Variants in LSAMP observed in about 807,000 individuals in gnomAD.
The protein encoded by LSAMP is limbic system associated membrane protein.
LSAMP carries 7 observed loss-of-function variants against 38.6 expected under a neutral mutation model. That is an observed-to-expected ratio of 0.18 (90% CI 0.10 to 0.34). The LOEUF (loss-of-function observed/expected upper bound fraction) is 0.34, where lower values mean the gene tolerates loss of function less well. LSAMP is among the 10% of genes least tolerant of loss of function. The pLI is 1.00. For synonymous variants in LSAMP, 154 were observed against 166.8 expected (o/e 0.92, Z 0.59); for missense variants, 313 against 420.0 (o/e 0.75, Z 2.23).
chr3:116,273,742 GTA>G (rs370408861), intron 1 of LSAMP, among the ~76,000 whole-genome samples: 2,836 of 102,518 alleles, frequency 0.028, 165 homozygotes, highest in African/African-American at 0.12. Context: ...GTATACATAT[GTA>G]TATATATATA....
At chr3:115,996,876 A>T (rs1336370540) in intron 3 of LSAMP, among the ~76,000 whole-genome samples, 1 of 152,146 alleles carries the variant, frequency 6.6e-6, no homozygotes, top group Non-Finnish European at 1.5e-5. Flanking sequence ...TTGTCTTCCC[A>T]ACTGGGAGTC....
At chr3:115,897,216 A>T (rs1936751270) in intron 3 of LSAMP, among the ~76,000 whole-genome samples, 1 of 151,954 alleles carries the variant, frequency 6.6e-6, no homozygotes, top group African/African-American at 2.4e-5. Context: ...AAAGCTGATC[A>T]TTTTTCCCCT....
chr3:116,010,471 A>G (rs1940292693), intron 3 of LSAMP, among the ~76,000 whole-genome samples: 1 of 152,224 alleles, frequency 6.6e-6, no homozygotes, highest in Non-Finnish European at 1.5e-5. Flanking sequence ...TCATGAGGAA[A>G]ATAGACAGTA....
At chr3:116,388,896 A>C (rs2048657939) in intron 1 of LSAMP, among the ~76,000 whole-genome samples, 1 of 152,184 alleles carries the variant, frequency 6.6e-6, no homozygotes, top group Admixed American at 6.5e-5. Flanking sequence ...CAACAAAAAC[A>C]ACAAAAACGA....
intron 2 of LSAMP, among the ~76,000 whole-genome samples, chr3:116,024,030 C>T (rs901736695): frequency 6.6e-6 from 1 of 152,156 alleles, no homozygotes; most frequent in Non-Finnish European, 1.5e-5. Context: ...AAAGACCTTC[C>T]TGTCATTCCC....
chr3:116,077,229 A>G (rs1707763710), intron 2 of LSAMP, among the ~76,000 whole-genome samples: 1 of 151,950 alleles, frequency 6.6e-6, no homozygotes, highest in South Asian at 2.1e-4. Context: ...TGCATTGACT[A>G]TAGCCCCTAA....
At chr3:116,393,092 C>T (rs1379666181) in intron 1 of LSAMP, among the ~76,000 whole-genome samples, 2 of 152,112 alleles carry the variant, frequency 1.3e-5, no homozygotes, top group Non-Finnish European at 2.9e-5. Flanking sequence ...GCTTCCAAGT[C>T]GCAGGACAAG....
chr3:115,903,034 C>T (rs932077556), intron 3 of LSAMP, among the ~76,000 whole-genome samples: 7 of 152,132 alleles, frequency 4.6e-5, no homozygotes, highest in Non-Finnish European at 7.3e-5. Flanking sequence ...GATACATGCA[C>T]GCATATATTC....
intron 1 of LSAMP, among the ~76,000 whole-genome samples, chr3:116,406,427 A>C (rs911036176): frequency 6.6e-6 from 1 of 151,994 alleles, no homozygotes; most frequent in African/African-American, 2.4e-5. Context: ...CTCTTTCAGG[A>C]GGCATGATAT....
At chr3:116,240,720 G>GA (rs1358104749) in intron 1 of LSAMP, among the ~76,000 whole-genome samples, 1 of 152,006 alleles carries the variant, frequency 6.6e-6, no homozygotes, top group Non-Finnish European at 1.5e-5. Flanking sequence ...GTTGTTGTAA[G>GA]AAAAAAATAT....
At chr3:115,898,624 T>TAG (rs1299601498) in intron 3 of LSAMP, among the ~76,000 whole-genome samples, 2 of 147,576 alleles carry the variant, frequency 1.4e-5, no homozygotes, top group Non-Finnish European at 3.0e-5. Context: ...TATATATATA[T>TAG]GCACCCAAAA....
intron 1 of LSAMP, among the ~76,000 whole-genome samples, chr3:116,224,407 C>T (rs2107620195): frequency 6.6e-6 from 1 of 152,282 alleles, no homozygotes; most frequent in East Asian, 1.9e-4. Flanking sequence ...ATAGACTCAT[C>T]CTTGGTTGCT....
At chr3:116,429,373 A>T (rs2049249277) in intron 1 of LSAMP, among the ~76,000 whole-genome samples, 2 of 152,252 alleles carry the variant, frequency 1.3e-5, no homozygotes, top group Admixed American at 6.5e-5. Flanking sequence ...AGATATATTC[A>T]GTAAAATAAT....
At chr3:116,318,447 A>G (rs549880335) in intron 1 of LSAMP, among the ~76,000 whole-genome samples, 2 of 152,294 alleles carry the variant, frequency 1.3e-5, no homozygotes, top group South Asian at 4.1e-4. Context: ...TACACAGAGT[A>G]TATCTCCTTA....
At chr3:115,969,757 G>T (rs1180913690) in intron 3 of LSAMP, among the ~76,000 whole-genome samples, 2 of 152,100 alleles carry the variant, frequency 1.3e-5, no homozygotes, top group African/African-American at 4.8e-5. Context: ...ATCTTCTGGG[G>T]TAAGGCTCAG....
rs551975688 is a variant in LSAMP, at chr3:116,324,585, A to C, written c.155+120292T>G. Among the ~76,000 whole-genome samples, 102 of 152,292 alleles carry C rather than the reference A, an allele frequency of 6.7e-4. 1 individual carries two copies. The South Asian group carries it at 0.02, about 30-fold the overall frequency. On this transcript the variant is annotated intron_variant, in intron 1 of 6. Coordinates refer to ENST00000490035, the MANE Select transcript of LSAMP (RefSeq NM_002338.5). ...TAATCTATTCATTCCGAGTTCTTACACACCTGAATCACAACATAAGGCTTT... is the reference window on the plus strand; with the variant it reads ...TAATCTATTCATTCCGAGTTCTTACCCACCTGAATCACAACATAAGGCTTT...
intron 1 of LSAMP, chr3:116,369,784 G>C (rs2048405858): frequency 6.6e-6 from 1 of 152,464 alleles, no homozygotes; most frequent in Admixed American, 6.6e-5. Flanking sequence ...GTTAAATGAG[G>C]CCTTTAATGT....
intron 1 of LSAMP, among the ~76,000 whole-genome samples, chr3:116,105,911 A>G (rs1461943445): frequency 1.3e-5 from 2 of 152,128 alleles, no homozygotes; most frequent in African/African-American, 2.4e-5. Context: ...GGGCTGTTTC[A>G]AGCGGGATTA....
chr3:115,869,269 G>A (rs10639942), intron 3 of LSAMP, among the ~76,000 whole-genome samples: 5,124 of 128,526 alleles, frequency 0.04, 133 homozygotes, highest in Middle Eastern at 0.12. Flanking sequence ...TCTTGGAGGG[G>A]GAGAGAGAGA....
Sources: allele counts gnomAD v4.1 joint callset (sites outside exome capture counted in the v4.1 genomes callset), GRCh38; gene constraint gnomAD v4.1.1; transcripts MANE v1.5; gene names NCBI Gene and HGNC (gene_info 2026-07-23, HGNC 2026-07-21).